The following MGAT4C variants were observed in gnomAD, a reference collection of about 807,000 sequenced individuals.
MGAT4C encodes MGAT4 family member C.
A neutral mutation model predicts 40.1 loss-of-function variants in MGAT4C; 19 were observed. The ratio of observed to expected loss-of-function variants is 0.47; its 90% CI spans 0.33 to 0.70. The LOEUF (loss-of-function observed/expected upper bound fraction) is 0.70. Among genes scored for constraint, MGAT4C ranks in the 30% least tolerant of loss-of-function variants. MGAT4C has a pLI of 0.02. For missense variants in MGAT4C, 491 were observed against 563.2 expected, an observed-to-expected ratio of 0.87 and a Z score of 1.30; for synonymous variants, 181 against 187.1, an observed-to-expected ratio of 0.97 and a Z score of 0.27.
At chr12:85,992,638 A>G (rs960388971) in intron 2 of MGAT4C, among the ~76,000 whole-genome samples, 1 of 152,238 alleles carries the variant, frequency 6.6e-6, no homozygotes, top group Non-Finnish European at 1.5e-5. Flanking sequence ...GACAAAGCAA[A>G]GTGTGTGTTG....
chr12:86,595,284 C>G (rs1188568443), intron 2 of MGAT4C, among the ~76,000 whole-genome samples: 1 of 152,112 alleles, frequency 6.6e-6, no homozygotes, highest in Non-Finnish European at 1.5e-5. Context: ...TGGCTCATGC[C>G]TGTAATCCCA....
At position 86,817,788 on chromosome 12, in the gene MGAT4C, G is replaced by T. The variant is rs1390328464; in HGVS notation, c.-262+20878C>A. 2.0e-5 allele frequency among the ~76,000 whole-genome samples: 3 copies of T among 151,402 alleles called. No individual in the cohort carries two copies. The Admixed American group carries it at 2.0e-4, about 10-fold the overall frequency. On this transcript the variant is annotated intron_variant, in intron 1 of 7. Coordinates refer to the MGAT4C transcript ENST00000548651. ...AATAAAGCCAAAATTGAAAATCACA[G>T]TAGTACTCTTTGCAAAGATTTTGAG... is the stretch of plus-strand genomic sequence containing the variant.
chr12:86,069,012 T>C (rs560345152), intron 1 of MGAT4C, among the ~76,000 whole-genome samples: 1 of 152,248 alleles, frequency 6.6e-6, no homozygotes, highest in African/African-American at 2.4e-5. Context: ...ATTAATAGTT[T>C]GTTAAAAATT....
At chr12:86,786,714 T>G (rs1253782719) in intron 1 of MGAT4C, among the ~76,000 whole-genome samples, 2 of 152,132 alleles carry the variant, frequency 1.3e-5, no homozygotes, top group Non-Finnish European at 2.9e-5. Context: ...TGAGCTCAAT[T>G]GCTCTATCTT....
chr12:86,139,836 C>A (rs1189318196), intron 1 of MGAT4C, among the ~76,000 whole-genome samples: 1 of 152,164 alleles, frequency 6.6e-6, no homozygotes, highest in African/African-American at 2.4e-5. Context: ...ACCTGCAGTG[C>A]ATGAGAATTT....
At chr12:86,227,394 A>G (rs1214293445) in intron 1 of MGAT4C, among the ~76,000 whole-genome samples, 4 of 151,742 alleles carry the variant, frequency 2.6e-5, no homozygotes, top group Non-Finnish European at 5.9e-5. Context: ...CTGACTTACT[A>G]TTTCTCTCTG....
intron 2 of MGAT4C, chr12:86,016,478 C>T (rs1452822400): frequency 6.6e-6 from 1 of 152,200 alleles, no homozygotes; most frequent in African/African-American, 2.4e-5. Context: ...CCAACGTTAT[C>T]ATCCCTGTGC....
intron 3 of MGAT4C, among the ~76,000 whole-genome samples, chr12:86,360,190 T>A (rs1377196684): frequency 6.6e-6 from 1 of 151,982 alleles, no homozygotes; most frequent in Admixed American, 6.6e-5. Context: ...CATACACAAA[T>A]CAATAAATGT....
chr12:86,555,481 C>A lies in MGAT4C; in HGVS notation c.-228-120216G>T, dbSNP rs188337260. ...TCCAGGGTCTAAAACCCTTTGTGGA[C>A]TTTGGAACACCAAGCTCTGTGCTAA... On this transcript the variant is annotated intron_variant, in intron 2 of 7. Coordinates refer to the MGAT4C transcript ENST00000548651. Among the ~76,000 whole-genome samples the A allele has an allele frequency of 2.6e-5, 4 of 152,154 alleles. No homozygotes were observed. In the East Asian group the frequency reaches 7.8e-4, roughly 30 times the overall value.
At chr12:86,763,910 C>T (rs1036443517) in intron 1 of MGAT4C, among the ~76,000 whole-genome samples, 11 of 152,238 alleles carry the variant, frequency 7.2e-5, no homozygotes, top group South Asian at 2.1e-4. Flanking sequence ...GGAACAGCTC[C>T]TGTCTACAGC....
At chr12:86,795,835 A>G (rs1952105406) in intron 1 of MGAT4C, among the ~76,000 whole-genome samples, 1 of 151,956 alleles carries the variant, frequency 6.6e-6, no homozygotes, top group South Asian at 2.1e-4. Context: ...TTGTTCATGT[A>G]TTAGTAGATT....
At chr12:86,034,460 C>T (rs1891035516) in intron 2 of MGAT4C, among the ~76,000 whole-genome samples, 1 of 149,292 alleles carries the variant, frequency 6.7e-6, no homozygotes, top group Non-Finnish European at 1.5e-5. Flanking sequence ...CACTTTCTTT[C>T]TGGTTCAATT....
At chr12:86,829,828 C>T (rs1389752603) in intron 1 of MGAT4C, among the ~76,000 whole-genome samples, 1 of 150,250 alleles carries the variant, frequency 6.7e-6, no homozygotes, top group Admixed American at 6.7e-5. Flanking sequence ...ACAGCAACCT[C>T]ACAATAACTT....
In MGAT4C at chr12:86,522,745, T is replaced by C. The variant is rs531799935; in HGVS notation, c.-228-87480A>G. Among the ~76,000 whole-genome samples, 4 of 152,272 alleles carry C rather than the reference T, an allele frequency of 2.6e-5. No homozygotes were observed. The South Asian group carries it at 8.3e-4, about 32-fold the overall frequency. ...CTGGTCCTGGACTTTTGTTGGTTGG[T>C]ATGCTATTTTTTACTGATTCAATTT... On this transcript the variant is annotated intron_variant, in intron 2 of 7. Coordinates refer to the MGAT4C transcript ENST00000548651.
chr12:86,628,918 A>G (rs1046300407), intron 2 of MGAT4C, among the ~76,000 whole-genome samples: 3 of 152,142 alleles, frequency 2.0e-5, no homozygotes, highest in African/African-American at 7.2e-5. Context: ...ATGTAAATGG[A>G]CTAAATTCCC....
intron 2 of MGAT4C, among the ~76,000 whole-genome samples, chr12:86,617,633 C>T (rs904004523): frequency 2.0e-5 from 3 of 151,338 alleles, no homozygotes; most frequent in South Asian, 2.1e-4. Flanking sequence ...GCTTGCAGTG[C>T]GCGGAGATCC....
In MGAT4C at chr12:86,359,504, T is replaced by TAA. The variant is rs538400676; in HGVS notation, c.-119-25379_-119-25378dup. ...AGAAGAACTGAAGGAGATAGAGACATAAAAAAAAAACCCTTCAAAAAATCA... is the reference window on the plus strand; with the variant it reads ...AGAAGAACTGAAGGAGATAGAGACATAAAAAAAAAAAACCCTTCAAAAAATCA... On this transcript the variant is annotated intron_variant, in intron 3 of 7. Transcript: ENST00000548651. Among the ~76,000 whole-genome samples the TAA allele has an allele frequency of 2.8e-5, 4 of 144,208 alleles. 1 individual carries two copies. Among genetic ancestry groups the TAA allele is most frequent in the African/African-American group, 1.0e-4 (4 of 38,854 alleles). The allele number at this position is 144,208 out of a possible 152,430, so 94.6% of individuals were successfully genotyped here.
chr12:86,325,810 G>A (rs1215918001), intron 4 of MGAT4C, among the ~76,000 whole-genome samples: 2 of 152,084 alleles, frequency 1.3e-5, no homozygotes, highest in Non-Finnish European at 2.9e-5. Context: ...CCAGGAGGTC[G>A]AGGCTGCAAT....
Position 86,540,161 on chromosome 12 carries a change from C to T in MGAT4C, c.-228-104896G>A, listed in dbSNP as rs903867708. 2.6e-5 allele frequency among the ~76,000 whole-genome samples: 4 copies of T among 152,292 alleles called. 1 individual carries two copies. Among genetic ancestry groups the T allele is most frequent in the African/African-American group, 7.2e-5 (3 of 41,568 alleles). On this transcript the variant is annotated intron_variant, in intron 2 of 7. Coordinates refer to the MGAT4C transcript ENST00000548651. ...AGGGTTTTTATGGTTTTAGGTCTAA[C>T]ATTTAAGCCTTTAATCCATCTTGAT... is the stretch of plus-strand genomic sequence containing the variant.
Sources: allele counts gnomAD v4.1 joint callset (sites outside exome capture counted in the v4.1 genomes callset), GRCh38; gene constraint gnomAD v4.1.1; transcripts MANE v1.5; gene names NCBI Gene and HGNC (gene_info 2026-07-23, HGNC 2026-07-21).